Variants in CDCP1 observed in about 807,000 individuals in gnomAD.
CDCP1 encodes the protein CUB domain-containing protein 1.
A neutral mutation model predicts 60.2 loss-of-function variants in CDCP1; 29 were observed. The ratio of observed to expected loss-of-function variants is 0.48; its 90% confidence interval spans 0.36 to 0.66. The LOEUF (loss-of-function observed/expected upper bound fraction) is 0.66. CDCP1 is among the 30% of genes least tolerant of loss of function. The pLI is 0.00. For missense variants in CDCP1, 876 were observed against 1,074.3 expected, an observed-to-expected ratio of 0.82 and a Z score of 2.58; for synonymous variants, 387 against 431.1, an observed-to-expected ratio of 0.90 and a Z score of 1.27.
chr3:45,121,801 C>G (rs1433799451), intron 1 of CDCP1, among the ~76,000 whole-genome samples: 3 of 152,032 alleles, frequency 2.0e-5, no homozygotes, highest in African/African-American at 4.8e-5. Flanking sequence ...AAACTGTACA[C>G]TTAAAATTGA....
chr3:45,115,264 TAGA>T (rs1366889357), intron 2 of CDCP1, among the ~76,000 whole-genome samples: 1 of 151,370 alleles, frequency 6.6e-6, no homozygotes, highest in Non-Finnish European at 1.5e-5. Flanking sequence ...TACAGAAAAG[TAGA>T]AAGAAGAAAA....
Position 45,146,348 on chromosome 3 carries a change from G to T in CDCP1, c.-61C>A. 7.0e-7 allele frequency: 1 copy of T among 1,432,448 alleles called. No homozygotes were observed. Among genetic ancestry groups the T allele is most frequent in the Non-Finnish European group, 9.3e-7 (1 of 1,070,908 alleles). The allele number at this position is 1,432,448 out of a possible 1,614,324, so 88.7% of individuals were successfully genotyped here. On this transcript the variant is annotated 5_prime_UTR_variant, in exon 1 of 9. Transcript: ENST00000296129. ...ACGGTGGGGAGCGGCGGCCCCAGGCGCCCAAGCCCGGCGCAGCTGCGCTCC... is the reference window on the plus strand; with the variant it reads ...ACGGTGGGGAGCGGCGGCCCCAGGCTCCCAAGCCCGGCGCAGCTGCGCTCC...
At chr3:45,107,983 T>C (rs1698598201) in intron 4 of CDCP1, among the ~76,000 whole-genome samples, 1 of 151,880 alleles carries the variant, frequency 6.6e-6, no homozygotes, top group Non-Finnish European at 1.5e-5. Flanking sequence ...TTGGGTGTGG[T>C]GGCAGGCGCC....
At chr3:45,143,427 G>A (rs1699328252) in intron 1 of CDCP1, among the ~76,000 whole-genome samples, 1 of 152,140 alleles carries the variant, frequency 6.6e-6, no homozygotes, top group Non-Finnish European at 1.5e-5. Context: ...ATTGTTGGAC[G>A]TGTTCTATTT....
At chr3:45,143,537 G>A (rs937999870) in intron 1 of CDCP1, among the ~76,000 whole-genome samples, 12 of 152,218 alleles carry the variant, frequency 7.9e-5, no homozygotes, top group Admixed American at 2.0e-4. Flanking sequence ...GCACATGAGC[G>A]TGCATACATA....
intron 4 of CDCP1, among the ~76,000 whole-genome samples, chr3:45,108,680 A>T (rs7612929): frequency 5.0e-5 from 7 of 139,556 alleles, no homozygotes; most frequent in Admixed American, 1.5e-4. Flanking sequence ...ACACACACAC[A>T]CTATATATAT....
intron 4 of CDCP1, among the ~76,000 whole-genome samples, chr3:45,108,677 C>CT: frequency 6.7e-6 from 1 of 148,806 alleles, no homozygotes; most frequent in Non-Finnish European, 1.5e-5. Context: ...CACACACACA[C>CT]ACACTATATA....
intron 1 of CDCP1, among the ~76,000 whole-genome samples, chr3:45,130,624 G>A (rs1699074740): frequency 6.6e-6 from 1 of 152,130 alleles, no homozygotes; most frequent in Non-Finnish European, 1.5e-5. Flanking sequence ...TTCTTGCAGG[G>A]CTTCACGGTT....
intron 7 of CDCP1, among the ~76,000 whole-genome samples, chr3:45,089,353 G>C (rs1698253299): frequency 6.6e-6 from 1 of 152,226 alleles, no homozygotes; most frequent in African/African-American, 2.4e-5. Context: ...AACTGTGCCA[G>C]TTCTGGGCCT....
At chr3:45,127,013 C>A (rs917392892) in intron 1 of CDCP1, among the ~76,000 whole-genome samples, 3 of 152,254 alleles carry the variant, frequency 2.0e-5, no homozygotes, top group East Asian at 3.9e-4. Context: ...CCGAAGAACT[C>A]CACACACAAC....
intron 1 of CDCP1, among the ~76,000 whole-genome samples, chr3:45,124,059 C>T (rs1175929748): frequency 6.6e-6 from 1 of 152,188 alleles, no homozygotes; most frequent in Non-Finnish European, 1.5e-5. Flanking sequence ...ATCTGCCTCA[C>T]CAGCTCCTTC....
At chr3:45,103,960 A>C (rs1698524184) in intron 4 of CDCP1, among the ~76,000 whole-genome samples, 6 of 152,220 alleles carry the variant, frequency 3.9e-5, no homozygotes, top group Admixed American at 3.9e-4. Context: ...TTAACTTCAT[A>C]AGAATCTGCC....
At chr3:45,143,844 T>C (rs1699337147) in intron 1 of CDCP1, among the ~76,000 whole-genome samples, 1 of 151,734 alleles carries the variant, frequency 6.6e-6, no homozygotes, top group Admixed American at 6.6e-5. Flanking sequence ...GGGGAGGAGA[T>C]GGGGGAGACT....
intron 1 of CDCP1, among the ~76,000 whole-genome samples, chr3:45,122,799 G>C (rs547027139): frequency 6.6e-6 from 1 of 152,124 alleles, no homozygotes; most frequent in Non-Finnish European, 1.5e-5. Context: ...GTATTCATTC[G>C]ACAAACATTT....
At chr3:45,116,796 T>G (rs1474511732) in intron 2 of CDCP1, among the ~76,000 whole-genome samples, 1 of 152,206 alleles carries the variant, frequency 6.6e-6, no homozygotes, top group Non-Finnish European at 1.5e-5. Context: ...GGTTATTTAT[T>G]TATTCAGTTT....
chr3:45,138,964 C>T (rs35107487), intron 1 of CDCP1, among the ~76,000 whole-genome samples: 45,288 of 152,070 alleles, frequency 0.3, 7,101 homozygotes, highest in East Asian at 0.5. Flanking sequence ...GGGCCTCAGG[C>T]TGCTTCCACT....
intron 2 of CDCP1, among the ~76,000 whole-genome samples, chr3:45,114,183 G>T (rs1440198829): frequency 6.6e-6 from 1 of 152,168 alleles, no homozygotes; most frequent in Non-Finnish European, 1.5e-5. Context: ...TGAGAGTCAG[G>T]TTATGAAAGC....
At chr3:45,107,211 T>G (rs1698580885) in intron 4 of CDCP1, among the ~76,000 whole-genome samples, 1 of 152,068 alleles carries the variant, frequency 6.6e-6, no homozygotes, top group Non-Finnish European at 1.5e-5. Context: ...TTTCCTTTCT[T>G]TCTTTTTTTT....
chr3:45,111,948 A>C, intron 3 of CDCP1, 135 bp downstream of exon 3: 1 of 1,153,678 alleles, frequency 8.7e-7, no homozygotes, highest in Non-Finnish European at 1.2e-6. Flanking sequence ...TGTCACTTAT[A>C]AGAGAGCTAG....
Sources: allele counts gnomAD v4.1 joint callset (sites outside exome capture counted in the v4.1 genomes callset), GRCh38; gene constraint gnomAD v4.1.1; transcripts MANE v1.5; gene names NCBI Gene and HGNC (gene_info 2026-07-23, HGNC 2026-07-21).